The following SAE1 variants were observed in gnomAD, a reference collection of about 807,000 sequenced individuals.
SAE1 encodes SUMO-activating enzyme subunit 1.
Under a neutral mutation model 40.6 loss-of-function variants are expected in SAE1, and 11 were observed. The ratio of observed to expected loss-of-function variants is 0.27; its 90% confidence interval spans 0.17 to 0.45. The LOEUF (loss-of-function observed/expected upper bound fraction) is 0.45, where lower values mean the gene tolerates loss of function less well. Ranked by LOEUF, SAE1 falls within the 20% of genes least tolerant of loss-of-function variation. The pLI, the probability that SAE1 is intolerant of heterozygous loss-of-function variation, is 1.00. For synonymous variants in SAE1, 155 were observed against 154.3 expected (o/e 1.00, Z -0.03); for missense variants, 373 against 427.3 (o/e 0.87, Z 1.12).
chr19:47,174,507 CT>C (rs1417184621), intron 6 of SAE1, among the ~76,000 whole-genome samples: 1 of 151,430 alleles, frequency 6.6e-6, no homozygotes, highest in Non-Finnish European at 1.5e-5. Flanking sequence ...AGCAATTCTC[CT>C]GCCTCAGCCT....
intron 7 of SAE1, among the ~76,000 whole-genome samples, chr19:47,198,229 C>G (rs1023744240): frequency 2.0e-5 from 3 of 152,096 alleles, no homozygotes; most frequent in Non-Finnish European, 4.4e-5. Context: ...CCTAACTCAG[C>G]CTTTTGAGTA....
At chr19:47,162,286 C>T (rs2058363596) in intron 5 of SAE1, among the ~76,000 whole-genome samples, 1 of 152,086 alleles carries the variant, frequency 6.6e-6, no homozygotes, top group South Asian at 2.1e-4. Flanking sequence ...ACAAATTGTG[C>T]TGCATAAGCA....
intron 6 of SAE1, among the ~76,000 whole-genome samples, chr19:47,181,522 A>G (rs892903863): frequency 8.6e-6 from 1 of 116,086 alleles, no homozygotes; most frequent in Non-Finnish European, 1.6e-5. Context: ...TCTGTCGCCC[A>G]TGCTGGAGTG....
rs573289007 is a variant in SAE1 at position 47,187,436 on chromosome 19, A to G, written c.734-9797A>G. ...TGTAGCATGTTTGTAACACTTGATA[A>G]GAAACAGAACCATCCCAGATAGCTT... is the stretch of plus-strand genomic sequence containing the variant. On this transcript the variant is annotated intron_variant, in intron 6 of 8. Transcript: ENST00000270225. Among the ~76,000 whole-genome samples the G allele has an allele frequency of 4.6e-5, 7 of 152,314 alleles. No individual in the cohort carries two copies. In the South Asian group the frequency reaches 1.5e-3, roughly 32 times the overall value.
chr19:47,139,278 A>G (rs2058202525), intron 1 of SAE1, among the ~76,000 whole-genome samples: 2 of 152,156 alleles, frequency 1.3e-5, no homozygotes, highest in African/African-American at 2.4e-5. Context: ...TCCTGAACTC[A>G]TGGTCCTCCC....
At chr19:47,170,948 G>A (rs2058427290) in intron 6 of SAE1, among the ~76,000 whole-genome samples, 1 of 151,978 alleles carries the variant, frequency 6.6e-6, no homozygotes, top group African/African-American at 2.4e-5. Flanking sequence ...GTATTGGTTG[G>A]CTTTTCAGTG....
intron 5 of SAE1, among the ~76,000 whole-genome samples, chr19:47,157,237 T>C (rs563917321): frequency 2.9e-4 from 44 of 152,320 alleles, no homozygotes; most frequent in African/African-American, 1.0e-3. Context: ...CACAGAACCA[T>C]AATTATCCAG....
chr19:47,186,898 C>T (rs1272097269), intron 6 of SAE1, among the ~76,000 whole-genome samples: 2 of 152,064 alleles, frequency 1.3e-5, no homozygotes, highest in Non-Finnish European at 2.9e-5. Context: ...GTGGCTGTGG[C>T]GACAGACAGA....
At chr19:47,161,889 A>G (rs2058361724) in intron 5 of SAE1, among the ~76,000 whole-genome samples, 1 of 152,230 alleles carries the variant, frequency 6.6e-6, no homozygotes, top group African/African-American at 2.4e-5. Flanking sequence ...CCTGCTTTTA[A>G]GGAGAAGCAA....
intron 1 of SAE1, among the ~76,000 whole-genome samples, chr19:47,134,595 G>T (rs1223819631): frequency 6.6e-6 from 1 of 151,900 alleles, no homozygotes; most frequent in Admixed American, 6.6e-5. Context: ...GAGGAAGCTT[G>T]GTGTGTTCTG....
chr19:47,146,084 A>G (rs1401545498), intron 2 of SAE1, among the ~76,000 whole-genome samples: 6 of 152,030 alleles, frequency 3.9e-5, no homozygotes, highest in Non-Finnish European at 5.9e-5. Flanking sequence ...TAGGCAGGGG[A>G]CATAGCAGTG....
At position 47,185,592 on chromosome 19, in the gene SAE1, A is replaced by G. The variant is rs752630517; in HGVS notation, c.734-11641A>G. On this transcript the variant is annotated intron_variant, in intron 6 of 8. Coordinates refer to ENST00000270225, the MANE Select transcript of SAE1 (RefSeq NM_005500.3). Reference sequence around the variant, plus strand: ...AAGTGCTGGGATTACAGGCTGAGCTACTGCGCCCAGCCTATTTTTGTTTTT... The same window carrying G: ...AAGTGCTGGGATTACAGGCTGAGCTGCTGCGCCCAGCCTATTTTTGTTTTT... 1.4e-4 allele frequency among the ~76,000 whole-genome samples: 21 copies of G among 151,136 alleles called. No homozygotes were observed. In the Middle Eastern group the frequency reaches 0.017, roughly 123 times the overall value.
chr19:47,156,378 C>T lies in SAE1; in HGVS notation c.627+1165C>T, dbSNP rs536565407. 1.6e-3 allele frequency among the ~76,000 whole-genome samples: 247 copies of T among 150,320 alleles called. 1 individual carries two copies. The highest frequency in any genetic ancestry group is 3.4e-3 in the Middle Eastern group (1 of 294). The stretch of plus-strand genomic sequence containing the variant: ...CTTGTAGTCCCAGCTACTTGGGAGG[C>T]TGAGGCAGGAGAATAGCTTGAACTG... On this transcript the variant is annotated intron_variant, in intron 5 of 8. Transcript: ENST00000270225.
At chr19:47,189,970 T>C (rs905546903) in intron 6 of SAE1, among the ~76,000 whole-genome samples, 29 of 152,222 alleles carry the variant, frequency 1.9e-4, no homozygotes, top group African/African-American at 6.8e-4. Flanking sequence ...TTACATTATT[T>C]TGTAAAGGTG....
intron 4 of SAE1, 67 bp from the exon 5 acceptor site, chr19:47,155,047 C>CT (rs1421837993): frequency 9.8e-6 from 10 of 1,020,332 alleles, no homozygotes; most frequent in African/African-American, 1.6e-5. Flanking sequence ...CCTGGAGAGG[C>CT]TTTTTTTGAT....
chr19:47,164,809 C>T (rs2058381601), intron 5 of SAE1, among the ~76,000 whole-genome samples: 1 of 151,574 alleles, frequency 6.6e-6, no homozygotes, highest in African/African-American at 2.4e-5. Flanking sequence ...CCACCACGCC[C>T]AGCTAATTTT....
At chr19:47,203,591 C>T (rs906791989) in intron 7 of SAE1, 80 bp from the exon 8 acceptor site, 1 of 1,270,152 alleles carries the variant, frequency 7.9e-7, no homozygotes, top group East Asian at 2.3e-5. Context: ...TTCAGGAGAG[C>T]CTACTACTGA....
chr19:47,162,598 C>T lies in SAE1; in HGVS notation c.628-7220C>T, dbSNP rs563248406. 2.6e-5 allele frequency among the ~76,000 whole-genome samples: 4 copies of T among 152,250 alleles called. No homozygotes were observed. The East Asian group carries it at 7.7e-4, about 29-fold the overall frequency. On this transcript the variant is annotated intron_variant, in intron 5 of 8. Coordinates refer to ENST00000270225, the MANE Select transcript of SAE1 (RefSeq NM_005500.3). ...AGATTCTTGGTCCCTCTACCCTCCC[C>T]ACCCCCTACCCCAGGAATTTTGATT... is the stretch of plus-strand genomic sequence containing the variant.
intron 6 of SAE1, among the ~76,000 whole-genome samples, chr19:47,186,866 G>C (rs2058547716): frequency 6.6e-6 from 1 of 152,170 alleles, no homozygotes; most frequent in South Asian, 2.1e-4. Context: ...AAGTTTTCTA[G>C]AGAAAGACAT....
Sources: gnomAD v4.1 joint callset for allele counts (sites outside exome capture counted in the v4.1 genomes callset) on GRCh38, gnomAD v4.1.1 for gene constraint, MANE v1.5 for transcripts, NCBI Gene and HGNC (gene_info 2026-07-23, HGNC 2026-07-21) for gene names.